CPEB1: variants seen among roughly 807,000 people sequenced by gnomAD.
CPEB1 encodes cytoplasmic polyadenylation element binding protein 1.
Under a neutral mutation model 65.8 loss-of-function variants are expected in CPEB1, and 7 were observed. That is an observed-to-expected ratio of 0.11 (90% confidence interval 0.06 to 0.20). CPEB1 has a LOEUF of 0.20. Among genes scored for constraint, CPEB1 ranks in the 10% least tolerant of loss-of-function variants. The pLI is 1.00. For missense variants in CPEB1, 551 were observed against 712.2 expected (o/e 0.77, Z 2.58); for synonymous variants, 262 against 260.0 (o/e 1.01, Z -0.08).
At position 82,647,305 on chromosome 15, in the gene CPEB1, G is replaced by A. The variant is rs1489168928; in HGVS notation, c.-266C>T. 6.6e-6 allele frequency: 1 copy of A among 152,386 alleles called. No homozygotes were observed. Among genetic ancestry groups the A allele is most frequent in the East Asian group, 1.9e-4 (1 of 5,160 alleles). 9.4% of individuals were successfully genotyped at this position (152,386 alleles called of 1,614,324 possible). A position where few individuals can be genotyped will look rare whatever the true frequency, so the allele number is the denominator to read the frequency against. On this transcript the variant is annotated 5_prime_UTR_variant, in exon 1 of 13. Transcript: ENST00000684509. Reference sequence around the variant, plus strand: ...GATTGGGAAGCCGCACGAGGGGCTTGAGCCCTCCACCTTAAAGGTGCCGCG... The same window carrying A: ...GATTGGGAAGCCGCACGAGGGGCTTAAGCCCTCCACCTTAAAGGTGCCGCG...
chr15:82,591,284 C>T (rs1022731590), intron 3 of CPEB1, among the ~76,000 whole-genome samples: 9 of 152,118 alleles, frequency 5.9e-5, no homozygotes, highest in African/African-American at 1.7e-4. Context: ...TGTTGTGACA[C>T]GAAGTCTTGC....
At chr15:82,625,762 C>T (rs2045707309) in intron 3 of CPEB1, among the ~76,000 whole-genome samples, 1 of 152,208 alleles carries the variant, frequency 6.6e-6, no homozygotes. Flanking sequence ...TGAGAATCCC[C>T]ATTGTGGCTA....
chr15:82,600,335 T>C (rs1007671477), intron 3 of CPEB1, among the ~76,000 whole-genome samples: 1 of 152,190 alleles, frequency 6.6e-6, no homozygotes, highest in African/African-American at 2.4e-5. Context: ...AAAGAGATTT[T>C]CAAGGAAGAT....
At position 82,543,465 on chromosome 15, in the gene CPEB1, A is replaced by ATTT. The variant is rs1567159521; in HGVS notation, c.*1126_*1127insAAA. 7.0e-3 allele frequency: 1,002 copies of ATTT among 143,990 alleles called. 11 individuals carry two copies. The highest frequency in any genetic ancestry group is 0.025 in the African/African-American group (896 of 36,502). 8.9% of individuals were successfully genotyped at this position (143,990 alleles called of 1,614,324 possible). ...TGTGGGTTTTTTGTTTCTTTTTAAA[A>ATTT]AAAAAAAAAAAAAAAAAAAGGAAAG... On this transcript the variant is annotated 3_prime_UTR_variant, in exon 13 of 13. Coordinates refer to ENST00000684509, the MANE Select transcript of CPEB1 (RefSeq NM_001365242.1).
intron 3 of CPEB1, among the ~76,000 whole-genome samples, chr15:82,591,472 G>A (rs1040008531): frequency 6.6e-6 from 1 of 152,132 alleles, no homozygotes; most frequent in Non-Finnish European, 1.5e-5. Context: ...CACTATGTTT[G>A]GCCAGGCTGG....
At chr15:82,648,594 A>G (rs1203789763), upstream of CPEB1, 1 of 152,336 alleles carries the variant, frequency 6.6e-6, no homozygotes, top group Non-Finnish European at 1.5e-5. Context: ...TTTCACAGAA[A>G]TAGGGCAAGG....
chr15:82,618,836 C>G (rs1596115795), intron 3 of CPEB1, among the ~76,000 whole-genome samples: 1 of 152,264 alleles, frequency 6.6e-6, no homozygotes, highest in South Asian at 2.1e-4. Flanking sequence ...GATATATCAA[C>G]TTCTTGAATT....
chr15:82,641,236 A>G (rs1278707334), intron 1 of CPEB1, among the ~76,000 whole-genome samples: 1 of 152,128 alleles, frequency 6.6e-6, no homozygotes, highest in African/African-American at 2.4e-5. Flanking sequence ...ACAGCTTTAA[A>G]AAAAAACAAA....
At chr15:82,602,147 A>G (rs911647042) in intron 3 of CPEB1, among the ~76,000 whole-genome samples, 29 of 152,228 alleles carry the variant, frequency 1.9e-4, no homozygotes, top group Non-Finnish European at 3.8e-4. Flanking sequence ...GACTAAAATT[A>G]TGTTAGAGGA....
chr15:82,616,408 T>TAC (rs1423234217), intron 3 of CPEB1, among the ~76,000 whole-genome samples: 1 of 151,972 alleles, frequency 6.6e-6, no homozygotes, highest in East Asian at 1.9e-4. Context: ...AGGAAAAGAG[T>TAC]ACACTTAAGT....
At chr15:82,546,547 G>A (rs762308649) in intron 11 of CPEB1, 26 bp from the exon 12 acceptor site, 13 of 1,576,768 alleles carry the variant, frequency 8.2e-6, no homozygotes, top group Admixed American at 3.3e-5. Context: ...ATAAGATGAT[G>A]AAGTGGCTCT....
chr15:82,648,060 G>A (rs987748564), upstream of CPEB1: 4 of 403,546 alleles, frequency 9.9e-6, no homozygotes, highest in Non-Finnish European at 1.7e-5. Context: ...TGTCGGCCCC[G>A]CCCGGGCCCT....
chr15:82,597,201 T>C (rs925339210), intron 3 of CPEB1, among the ~76,000 whole-genome samples: 2 of 152,166 alleles, frequency 1.3e-5, no homozygotes, highest in African/African-American at 4.8e-5. Context: ...TGGCACATGC[T>C]TGTAGTCCCA....
chr15:82,642,926 A>C (rs923897043), intron 1 of CPEB1, among the ~76,000 whole-genome samples: 2 of 152,244 alleles, frequency 1.3e-5, no homozygotes, highest in African/African-American at 4.8e-5. Flanking sequence ...CTCAAACTGT[A>C]AGCCAAAAGT....
chr15:82,578,900 T>G (rs1188404641), intron 3 of CPEB1, among the ~76,000 whole-genome samples: 2 of 152,214 alleles, frequency 1.3e-5, no homozygotes, highest in African/African-American at 2.4e-5. Flanking sequence ...CTTGGCTTAC[T>G]ACAACCTCCA....
chr15:82,553,426 A>C (rs1406176172), intron 8 of CPEB1, 41 bp downstream of exon 8: 1 of 1,522,832 alleles, frequency 6.6e-7, no homozygotes, highest in East Asian at 2.2e-5. Flanking sequence ...GAAGGGAAAA[A>C]AAAGCTCCTA....
chr15:82,564,616 G>C (rs1291443613), intron 4 of CPEB1, among the ~76,000 whole-genome samples: 2 of 152,184 alleles, frequency 1.3e-5, no homozygotes, highest in South Asian at 2.1e-4. Context: ...TTGACTTAGA[G>C]TGTAATACAG....
At chr15:82,548,925 ACCT>A (rs1184916360) in intron 10 of CPEB1, among the ~76,000 whole-genome samples, 2 of 152,126 alleles carry the variant, frequency 1.3e-5, no homozygotes, top group African/African-American at 2.4e-5. Context: ...TGGCGAATTG[ACCT>A]CCTTTCTCAG....
intron 3 of CPEB1, among the ~76,000 whole-genome samples, chr15:82,607,218 AGACT>A (rs1271968243): frequency 1.3e-5 from 2 of 152,224 alleles, no homozygotes; most frequent in African/African-American, 2.4e-5. Flanking sequence ...AATAAATGAC[AGACT>A]GACAGAATGG....
Sources: gnomAD v4.1 joint callset for allele counts (sites outside exome capture counted in the v4.1 genomes callset) on GRCh38, gnomAD v4.1.1 for gene constraint, MANE v1.5 for transcripts, NCBI Gene and HGNC (gene_info 2026-07-23, HGNC 2026-07-21) for gene names.